FOXP4: variants seen among roughly 807,000 people sequenced by gnomAD.
The protein encoded by FOXP4 is forkhead box protein P4.
A neutral mutation model predicts 82.6 loss-of-function variants in FOXP4; 25 were observed. The ratio of observed to expected loss-of-function variants is 0.30; its 90% CI spans 0.22 to 0.42. The LOEUF is 0.42. Among genes scored for constraint, FOXP4 ranks in the 10% least tolerant of loss-of-function variants. FOXP4 has a pLI of 1.00. For missense variants in FOXP4, 785 were observed against 900.9 expected (o/e 0.87, Z 1.65); for synonymous variants, 415 against 388.2 (o/e 1.07, Z -0.81).
chr6:41,579,866 C>T (rs1189261493), intron 3 of FOXP4, among the ~76,000 whole-genome samples: 1 of 152,126 alleles, frequency 6.6e-6, no homozygotes, highest in Non-Finnish European at 1.5e-5. Context: ...GAAGTGTAGA[C>T]ACTAAGCGCT....
chr6:41,588,853 C>A, intron 9 of FOXP4, 122 bp downstream of exon 9: 1 of 1,062,800 alleles, frequency 9.4e-7, no homozygotes, highest in Non-Finnish European at 1.4e-6. Flanking sequence ...TGGTCAAAGC[C>A]ACCATCTTAT....
chr6:41,552,900 AACTC>A (rs1462165704), intron 1 of FOXP4, among the ~76,000 whole-genome samples: 5 of 152,020 alleles, frequency 3.3e-5, no homozygotes, highest in African/African-American at 1.2e-4. Context: ...CCAACTTCCT[AACTC>A]ACTCTTCGGC....
At chr6:41,580,536 C>A (rs947205850) in intron 3 of FOXP4, among the ~76,000 whole-genome samples, 3 of 152,202 alleles carry the variant, frequency 2.0e-5, no homozygotes, top group African/African-American at 7.2e-5. Context: ...CCATGCTTCC[C>A]CAGGAGCCTG....
rs1424866267 is a variant in FOXP4, at chr6:41,593,941, A to T, written c.1537-929A>T. Among the ~76,000 whole-genome samples the T allele has an allele frequency of 8.2e-6, 1 of 121,402 alleles. No individual in the cohort carries two copies. Among genetic ancestry groups the T allele is most frequent in the African/African-American group, 2.9e-5 (1 of 34,400 alleles). The allele number at this position is 121,402 out of a possible 152,430, so 79.6% of individuals were successfully genotyped here. ...CGGGGGAGGCTAAGGGAGGACAGGT[A>T]ACAGGGTCCAGGGATGCAGGCAGGG... On this transcript the variant is annotated intron_variant, in intron 13 of 16. Coordinates refer to ENST00000307972, the MANE Select transcript of FOXP4 (RefSeq NM_001012426.2). This position sits in a 1 kb window ranked among gnomAD's most constrained non-coding sequence, Gnocchi z 4.1.
At chr6:41,552,837 C>T (rs934022562) in intron 1 of FOXP4, among the ~76,000 whole-genome samples, 8 of 152,258 alleles carry the variant, frequency 5.3e-5, no homozygotes, top group Non-Finnish European at 7.4e-5. Context: ...TAGGCCTAAA[C>T]AGTCTGTACC....
At chr6:41,595,769 A>AT (rs1243059955) in intron 14 of FOXP4, among the ~76,000 whole-genome samples, 10 of 151,750 alleles carry the variant, frequency 6.6e-5, no homozygotes, top group Non-Finnish European at 1.5e-4. Context: ...CGCCCGGCTA[A>AT]TTTTTTTTGT....
chr6:41,589,185 C>T (rs1766343490), intron 9 of FOXP4, among the ~76,000 whole-genome samples: 1 of 152,202 alleles, frequency 6.6e-6, no homozygotes, highest in Non-Finnish European at 1.5e-5. Context: ...ACCCAGGCAG[C>T]CTGGCTTTCC....
Position 41,598,058 on chromosome 6 carries a change from C to T in FOXP4, c.1895+108C>T, listed in dbSNP as rs987888094. ...GTTCCCCATCCCACCCCCACCACGC[C>T]TCTCCCCAGGACAAGTGGCTTCTCT... On this transcript the variant is annotated intron_variant, in intron 16 of 16. Transcript: ENST00000307972. 22 of 919,332 alleles carry T rather than the reference C, an allele frequency of 2.4e-5. No individual in the cohort carries two copies. The African/African-American group carries it at 3.1e-4, about 13-fold the overall frequency. The allele number at this position is 919,332 out of a possible 1,614,324, so 56.9% of individuals were successfully genotyped here.
chr6:41,586,826 C>T (rs1766158208), intron 5 of FOXP4, among the ~76,000 whole-genome samples, 183 bp from the exon 6 acceptor site: 1 of 152,104 alleles, frequency 6.6e-6, no homozygotes, highest in African/African-American at 2.4e-5. Context: ...GTGTTTACTG[C>T]GAGGAGGCAT....
Position 41,585,901 on chromosome 6 carries a change from C to CT in FOXP4, c.510+385dup, listed in dbSNP as rs1299351549. 6.6e-5 allele frequency among the ~76,000 whole-genome samples: 10 copies of CT among 152,100 alleles called. No homozygotes were observed. In the South Asian group the frequency reaches 1.0e-3, roughly 16 times the overall value. On this transcript the variant is annotated intron_variant, in intron 5 of 16. Coordinates refer to ENST00000307972, the MANE Select transcript of FOXP4 (RefSeq NM_001012426.2). ...CCTCCCCTCCTTGTCCTGCGAATCT[C>CT]TGAGTCCCTCAGCAAACCACCTCCC...
At chr6:41,559,598 A>C (rs1390619961) in intron 1 of FOXP4, among the ~76,000 whole-genome samples, 1 of 152,212 alleles carries the variant, frequency 6.6e-6, no homozygotes, top group Non-Finnish European at 1.5e-5. Context: ...AGAGCATCTA[A>C]GGACACTGCT....
chr6:41,554,097 C>T (rs1156921830), intron 1 of FOXP4, among the ~76,000 whole-genome samples: 1 of 152,180 alleles, frequency 6.6e-6, no homozygotes, highest in South Asian at 2.1e-4. Flanking sequence ...TTCTTATCCC[C>T]ACAACAACCC....
chr6:41,572,332 G>A (rs1765246629), intron 2 of FOXP4, among the ~76,000 whole-genome samples: 1 of 152,028 alleles, frequency 6.6e-6, no homozygotes, highest in African/African-American at 2.4e-5. Flanking sequence ...AGCCTCCATG[G>A]GACACTCGCC....
intron 2 of FOXP4, among the ~76,000 whole-genome samples, chr6:41,566,620 C>G (rs1375284033): frequency 6.6e-6 from 1 of 152,168 alleles, no homozygotes; most frequent in African/African-American, 2.4e-5. Context: ...TAGGATGGGT[C>G]TAGATCTGGT....
chr6:41,585,524 G>T lies in FOXP4; in HGVS notation c.510+7G>T. 1 of 1,613,024 alleles carries T rather than the reference G, an allele frequency of 6.2e-7. No homozygotes were observed. The highest frequency in any genetic ancestry group is 1.1e-5 in the South Asian group (1 of 90,922). On this transcript the variant is annotated splice_region_variant and intron_variant, in intron 5 of 16. Transcript: ENST00000307972. ...GAAACCGCAGCCCAAAGAGGTAAGG[G>T]GCTGTACCAGGGCCCACCACCGCCC...
chr6:41,591,836 G>A lies in FOXP4; in HGVS notation c.1536+514G>A, dbSNP rs1766531721. On this transcript the variant is annotated intron_variant, in intron 13 of 16. Transcript: ENST00000307972. The surrounding 1 kb of genome is among the most constrained non-coding windows in gnomAD (Gnocchi z 4.2). Reference sequence around the variant, plus strand: ...AGCCCTCCCCAGCTCTGCCATCCCTGGCAGGAAGATAATTGTCTCCATCCA... The same window carrying A: ...AGCCCTCCCCAGCTCTGCCATCCCTAGCAGGAAGATAATTGTCTCCATCCA... Among the ~76,000 whole-genome samples the A allele has an allele frequency of 6.6e-6, 1 of 152,178 alleles. No homozygotes were observed. The highest frequency in any genetic ancestry group is 1.5e-5 in the Non-Finnish European group (1 of 68,036).
chr6:41,552,040 C>T (rs1764027303), intron 1 of FOXP4, among the ~76,000 whole-genome samples: 1 of 152,194 alleles, frequency 6.6e-6, no homozygotes, highest in Non-Finnish European at 1.5e-5. Context: ...ACCCAGAGAG[C>T]CCTTAGGAGG....
intron 3 of FOXP4, among the ~76,000 whole-genome samples, chr6:41,581,988 G>A (rs995171950): frequency 3.9e-5 from 6 of 152,202 alleles, no homozygotes; most frequent in Admixed American, 6.5e-5. Context: ...GGCCACGTTC[G>A]TCTCTAGTTC....
intron 1 of FOXP4, among the ~76,000 whole-genome samples, chr6:41,553,485 C>A (rs1258028607): frequency 6.6e-6 from 1 of 152,150 alleles, no homozygotes; most frequent in Non-Finnish European, 1.5e-5. Flanking sequence ...CTGCTCTGTG[C>A]CCCTTTGCCC....
Sources: gnomAD v4.1 joint callset for allele counts (sites outside exome capture counted in the v4.1 genomes callset) on GRCh38, gnomAD v4.1.1 for gene constraint, Gnocchi (gnomAD v3.1) non-coding constraint, MANE v1.5 for transcripts, NCBI Gene and HGNC (gene_info 2026-07-23, HGNC 2026-07-21) for gene names.